KCNK12: variants seen among roughly 807,000 people sequenced by gnomAD.
KCNK12 encodes the protein potassium two pore domain channel subfamily K member 12.
KCNK12 carries 6 observed loss-of-function variants against 25.3 expected under a neutral mutation model. The ratio of observed to expected loss-of-function variants is 0.24; its 90% CI spans 0.13 to 0.47. The LOEUF is 0.47. Ranked by LOEUF, KCNK12 falls within the 20% of genes least tolerant of loss-of-function variation. The probability of loss-of-function intolerance (pLI) is 0.99; values close to 1 mark genes in which losing one functional copy is unlikely to be tolerated. For missense variants in KCNK12, 444 were observed against 661.7 expected (o/e 0.67, Z 3.61); for synonymous variants, 331 against 311.1 (o/e 1.06, Z -0.67).
chr2:47,521,903 C>A, intron 1 of KCNK12, 95 bp from the exon 2 acceptor site: 1 of 1,041,016 alleles, frequency 9.6e-7, no homozygotes, highest in Non-Finnish European at 1.3e-6. Context: ...CATGCAGGTG[C>A]TTGCGCGGCT....
intron 1 of KCNK12, chr2:47,543,194 GAC>G (rs1234673500): frequency 6.6e-6 from 1 of 151,998 alleles, no homozygotes; most frequent in African/African-American, 2.4e-5. Flanking sequence ...TGCAGACTCT[GAC>G]ACAACCACCG....
Position 47,562,636 on chromosome 2 carries a change from A to G in KCNK12, c.391+7305T>C, listed in dbSNP as rs11125144. ...TTGGGGTAGAACTTCCTGGGGCCAG[A>G]GTCTCATAGCAGTGGTAGCCAAGAG... On this transcript the variant is annotated intron_variant, in intron 1 of 1. Coordinates refer to ENST00000327876, the MANE Select transcript of KCNK12 (RefSeq NM_022055.2). The surrounding 1 kb of genome is among the most constrained non-coding windows in gnomAD (Gnocchi z 4.8). The G allele has an allele frequency of 0.1, 23,568 of 233,134 alleles. 1,613 individuals are homozygous for G. Among genetic ancestry groups the G allele is most frequent in the East Asian group, 0.24 (3,965 of 16,544 alleles). The allele number at this position is 233,134 out of a possible 1,614,324, so 14.4% of individuals were successfully genotyped here. A position where few individuals can be genotyped will look rare whatever the true frequency, so the allele number is the denominator to read the frequency against.
At position 47,540,020 on chromosome 2, in the gene KCNK12, C is replaced by T. The variant is rs1669162946; in HGVS notation, c.392-18212G>A. Among the ~76,000 whole-genome samples the T allele has an allele frequency of 6.6e-6, 1 of 152,184 alleles. No individual in the cohort carries two copies. Among genetic ancestry groups the T allele is most frequent in the Admixed American group, 6.5e-5 (1 of 15,284 alleles). On this transcript the variant is annotated intron_variant, in intron 1 of 1. Transcript: ENST00000327876. This position sits in a 1 kb window ranked among gnomAD's most constrained non-coding sequence, Gnocchi z 5.4. ...AGCTACTCGCTGTGCCTCAGTTTCC[C>T]CATCTATCAAGTAGACAGCACTGCC... is the stretch of plus-strand genomic sequence containing the variant.
At chr2:47,552,253 A>G (rs1349371066) in intron 1 of KCNK12, among the ~76,000 whole-genome samples, 1 of 152,178 alleles carries the variant, frequency 6.6e-6, no homozygotes, top group Non-Finnish European at 1.5e-5. Flanking sequence ...CGCCTCCACC[A>G]ATGGTAGTGC....
In KCNK12 at chr2:47,524,443, A is replaced by C. The variant is rs558896811; in HGVS notation, c.392-2635T>G. ...TCACAAAAAGAATGTGGAACAAAAT[A>C]AGCTGGACACAAAATAATACATTCT... is the stretch of plus-strand genomic sequence containing the variant. On this transcript the variant is annotated intron_variant, in intron 1 of 1. Transcript: ENST00000327876. 2.6e-5 allele frequency among the ~76,000 whole-genome samples: 4 copies of C among 152,392 alleles called. 1 individual carries two copies. Among genetic ancestry groups the C allele is most frequent in the African/African-American group, 9.6e-5 (4 of 41,594 alleles).
At position 47,551,573 on chromosome 2, in the gene KCNK12, G is replaced by T. The variant is rs1211972112; in HGVS notation, c.391+18368C>A. ...TCAAGAAATATTTGTTGAATAAATG[G>T]ATCAATGGGAATCATGTTTTCTGGA... On this transcript the variant is annotated intron_variant, in intron 1 of 1. Coordinates refer to ENST00000327876, the MANE Select transcript of KCNK12 (RefSeq NM_022055.2). This position sits in a 1 kb window ranked among gnomAD's most constrained non-coding sequence, Gnocchi z 5.3. Among the ~76,000 whole-genome samples the T allele has an allele frequency of 6.6e-6, 1 of 152,168 alleles. No individual in the cohort carries two copies. Among genetic ancestry groups the T allele is most frequent in the Non-Finnish European group, 1.5e-5 (1 of 68,042 alleles).
chr2:47,570,074 G>C lies in KCNK12; in HGVS notation c.258C>G (p.Ala86=), dbSNP rs745931211. 35 of 1,385,290 alleles carry C rather than the reference G, an allele frequency of 2.5e-5. 1 individual carries two copies. The South Asian group carries it at 3.6e-4, about 14-fold the overall frequency. 85.8% of individuals were successfully genotyped at this position (1,385,290 alleles called of 1,614,324 possible). A position where few individuals can be genotyped will look rare whatever the true frequency, so the allele number is the denominator to read the frequency against. The change falls in exon 1 of 2, where the codon GCC becomes GCG. Residue 86 remains alanine, a synonymous_variant. Transcript: ENST00000327876. ...GGAGGAAGGCGCGCAGCTCTGGCTC[G>C]GCCACGCCGTGCGCAGCGCTGAAGT... ...LRNFSAAHGV[A]EPELRAFLRH...
At position 47,509,479 on chromosome 2, in the gene KCNK12, G is replaced by C. The variant is rs755004426; in HGVS notation, c.*11428C>G. 6.6e-6 allele frequency among the ~76,000 whole-genome samples: 1 copy of C among 152,250 alleles called. No homozygotes were observed. The highest frequency in any genetic ancestry group is 1.9e-4 in the East Asian group (1 of 5,202). Reference sequence around the variant, plus strand: ...ATGTCAGCTGGCTGCCAACACGTCAGTTGTATCAGCATTAGCTGGCTGGAG... The same window carrying C: ...ATGTCAGCTGGCTGCCAACACGTCACTTGTATCAGCATTAGCTGGCTGGAG... On this transcript the variant is annotated 3_prime_UTR_variant, in exon 2 of 2. Transcript: ENST00000327876.
At position 47,521,167 on chromosome 2, in the gene KCNK12, G is replaced by T; in HGVS notation, c.1033C>A (p.Leu345Met). Residue 345 changes from leucine to methionine, a missense_variant, in exon 2 of 2, where the codon CTG (leucine) becomes ATG (methionine). This residue lies in a region of KCNK12 where 69 missense variants were observed against 81.7 expected (regional missense o/e 0.84). Coordinates refer to ENST00000327876, the MANE Select transcript of KCNK12 (RefSeq NM_022055.2). The part of the protein sequence containing the change: ...ITPGSRLRRR[L>M]AALGADPAAR... ...GCGGGGTCGGCACCGAGCGCGGCCAGGCGGCGGCGCAGCCGGGAGCCTGGG... is the reference window on the plus strand; with the variant it reads ...GCGGGGTCGGCACCGAGCGCGGCCATGCGGCGGCGCAGCCGGGAGCCTGGG... 1 of 1,297,094 alleles carries T rather than the reference G, an allele frequency of 7.7e-7. No homozygotes were observed. The allele number at this position is 1,297,094 out of a possible 1,614,324, so 80.3% of individuals were successfully genotyped here.
rs1381362733 is a variant in KCNK12 at position 47,555,755 on chromosome 2, G to A, written c.391+14186C>T. 6.6e-6 allele frequency: 1 copy of A among 152,214 alleles called. No homozygotes were observed. The highest frequency in any genetic ancestry group is 6.5e-5 in the Admixed American group (1 of 15,278). 9.4% of individuals were successfully genotyped at this position (152,214 alleles called of 1,614,324 possible). On this transcript the variant is annotated intron_variant, in intron 1 of 1. Coordinates refer to ENST00000327876, the MANE Select transcript of KCNK12 (RefSeq NM_022055.2). This position sits in a 1 kb window ranked among gnomAD's most constrained non-coding sequence, Gnocchi z 4.5. ...TTCCTCTACAGGTGAGAGATTGTTT[G>A]GAGACAGTCCAGAGTGAGGACTGAG...
rs1039801980 is a variant in KCNK12 at position 47,519,231 on chromosome 2, A to G, written c.*1676T>C. On this transcript the variant is annotated 3_prime_UTR_variant, in exon 2 of 2. Coordinates refer to ENST00000327876, the MANE Select transcript of KCNK12 (RefSeq NM_022055.2). The stretch of plus-strand genomic sequence containing the variant: ...CTCAGGTAAGCTTTCCCTTCCTGCC[A>G]TGAACTAGAAGGGGAAAGAAGAGTT... The G allele has an allele frequency of 1.3e-5, 2 of 152,250 alleles. No homozygotes were observed. Among genetic ancestry groups the G allele is most frequent in the African/African-American group, 4.8e-5 (2 of 41,464 alleles). 9.4% of individuals were successfully genotyped at this position (152,250 alleles called of 1,614,324 possible).
Position 47,521,789 on chromosome 2 carries a change from G to C in KCNK12, c.411C>G (p.Pro137=). The change falls in exon 2 of 2, where the codon CCC becomes CCG. Residue 137 remains proline (P), a synonymous_variant. Coordinates refer to ENST00000327876, the MANE Select transcript of KCNK12 (RefSeq NM_022055.2). ...VSTIGFGMTT[P]ATVGGKAFLI... ...GGAAGGCCTTCCCGCCCACCGTCGC[G>C]GGGGTGGTCATGCCGAAACCTGTGG... 6.6e-7 allele frequency: 1 copy of C among 1,525,660 alleles called. No homozygotes were observed. The highest frequency in any genetic ancestry group is 8.8e-7 in the Non-Finnish European group (1 of 1,142,306). 94.5% of individuals were successfully genotyped at this position (1,525,660 alleles called of 1,614,324 possible).
chr2:47,536,747 G>T (rs556097177), intron 1 of KCNK12, among the ~76,000 whole-genome samples: 1 of 152,302 alleles, frequency 6.6e-6, no homozygotes, highest in Admixed American at 6.5e-5. Context: ...TCTTGAGTTA[G>T]GTGATTTATG....
rs1669783124 is a variant in KCNK12, at chr2:47,566,166, TC to T, written c.391+3774del. Reference sequence around the variant, plus strand: ...TGCTGAATAATCACAGGCAAAATTTTCCACTGGTACCGCACTGTGTAGACAC... The same window carrying T: ...TGCTGAATAATCACAGGCAAAATTTTCACTGGTACCGCACTGTGTAGACAC... On this transcript the variant is annotated intron_variant, in intron 1 of 1. Transcript: ENST00000327876. The surrounding 1 kb of genome is among the most constrained non-coding windows in gnomAD (Gnocchi z 4.1). 6.6e-6 allele frequency: 1 copy of T among 152,208 alleles called. No homozygotes were observed. 9.4% of individuals were successfully genotyped at this position (152,208 alleles called of 1,614,324 possible). A position where few individuals can be genotyped will look rare whatever the true frequency, so the allele number is the denominator to read the frequency against.
At chr2:47,552,330 C>T (rs924242639) in intron 1 of KCNK12, among the ~76,000 whole-genome samples, 1 of 152,140 alleles carries the variant, frequency 6.6e-6, no homozygotes, top group Non-Finnish European at 1.5e-5. Flanking sequence ...GAGGGCTGCC[C>T]TGCTGAGCCC....
At chr2:47,550,453 G>A (rs950285949) in intron 1 of KCNK12, among the ~76,000 whole-genome samples, 8 of 141,924 alleles carry the variant, frequency 5.6e-5, no homozygotes, top group Non-Finnish European at 1.0e-4. Flanking sequence ...CATGATCTTG[G>A]CTCTCTGCAA....
At chr2:47,521,882 G>A in intron 1 of KCNK12, 74 bp from the exon 2 acceptor site, 1 of 1,133,674 alleles carries the variant, frequency 8.8e-7, no homozygotes, top group Non-Finnish European at 1.2e-6. Flanking sequence ...TGGGGGGTGT[G>A]GGGGCGGGGG....
Position 47,548,723 on chromosome 2 carries a change from T to C in KCNK12, c.391+21218A>G, listed in dbSNP as rs1363270884. The stretch of plus-strand genomic sequence containing the variant: ...TTATTTTCAGACATTGGAAAAAAGG[T>C]AGTTCAGGATTATGGTCCCTGAGAG... On this transcript the variant is annotated intron_variant, in intron 1 of 1. Coordinates refer to ENST00000327876, the MANE Select transcript of KCNK12 (RefSeq NM_022055.2). This position sits in a 1 kb window ranked among gnomAD's most constrained non-coding sequence, Gnocchi z 4.4. Among the ~76,000 whole-genome samples, 1 of 152,082 alleles carries C rather than the reference T, an allele frequency of 6.6e-6. No individual in the cohort carries two copies. The highest frequency in any genetic ancestry group is 2.4e-5 in the African/African-American group (1 of 41,408).
At chr2:47,541,878 C>T (rs907472772) in intron 1 of KCNK12, among the ~76,000 whole-genome samples, 4 of 152,268 alleles carry the variant, frequency 2.6e-5, no homozygotes, top group Admixed American at 1.3e-4. Context: ...TCCCCCAGTC[C>T]GTGGTACTTT....
Sources: gnomAD v4.1 joint callset for allele counts (sites outside exome capture counted in the v4.1 genomes callset) on GRCh38, gnomAD v4.1.1 for gene constraint, gnomAD v4.1.1 regional missense constraint, Gnocchi (gnomAD v3.1) non-coding constraint, MANE v1.5 for transcripts, NCBI Gene and HGNC (gene_info 2026-07-23, HGNC 2026-07-21) for gene names.